The following GPM6A variants were observed in gnomAD, a reference collection of about 807,000 sequenced individuals.
The protein encoded by GPM6A is glycoprotein M6A.
In GPM6A, 7 loss-of-function variants were observed where a neutral mutation model predicts 32.1. That is an observed-to-expected ratio of 0.22 (90% CI 0.12 to 0.41). The LOEUF is 0.41. Ranked by LOEUF, GPM6A falls within the 10% of genes least tolerant of loss-of-function variation. The probability of loss-of-function intolerance (pLI) is 1.00; values close to 1 mark genes in which losing one functional copy is unlikely to be tolerated. For missense variants in GPM6A, 235 were observed against 347.2 expected (o/e 0.68, Z 2.57); for synonymous variants, 130 against 123.4 (o/e 1.05, Z -0.35).
intron 1 of GPM6A, among the ~76,000 whole-genome samples, chr4:175,764,274 C>T (rs930802109): frequency 1.3e-5 from 2 of 152,196 alleles, no homozygotes; most frequent in African/African-American, 4.8e-5. Context: ...TACACACATG[C>T]TTTTATGCCT....
At chr4:175,726,446 A>C (rs1207964537) in intron 1 of GPM6A, among the ~76,000 whole-genome samples, 1 of 152,220 alleles carries the variant, frequency 6.6e-6, no homozygotes, top group Non-Finnish European at 1.5e-5. Context: ...ATTGTAGAAA[A>C]TACATTCTGA....
At chr4:175,895,327 T>C (rs1294617657) in intron 1 of GPM6A, among the ~76,000 whole-genome samples, 7 of 152,128 alleles carry the variant, frequency 4.6e-5, no homozygotes, top group African/African-American at 1.4e-4. Flanking sequence ...CCTATTTATA[T>C]TTTTCTCAGA....
At chr4:175,638,411 C>T (rs768224522) in intron 6 of GPM6A, among the ~76,000 whole-genome samples, 7 of 151,830 alleles carry the variant, frequency 4.6e-5, no homozygotes, top group Non-Finnish European at 7.4e-5. Flanking sequence ...GAGAAAATAA[C>T]CCCCAAATAA....
chr4:175,670,036 G>A (rs1742965721), intron 3 of GPM6A, among the ~76,000 whole-genome samples: 1 of 151,914 alleles, frequency 6.6e-6, no homozygotes, highest in Non-Finnish European at 1.5e-5. Flanking sequence ...TGACACTTTG[G>A]TCTCAAACTT....
At chr4:175,972,515 T>A (rs1740534073) in intron 1 of GPM6A, among the ~76,000 whole-genome samples, 1 of 152,232 alleles carries the variant, frequency 6.6e-6, no homozygotes, top group Non-Finnish European at 1.5e-5. Flanking sequence ...GCCAATTCAC[T>A]TGTCTTGGCC....
intron 1 of GPM6A, among the ~76,000 whole-genome samples, chr4:175,799,541 G>C (rs1734377237): frequency 6.6e-6 from 1 of 152,060 alleles, no homozygotes; most frequent in African/African-American, 2.4e-5. Context: ...AGCATATGAG[G>C]CACGGAAGTA....
intron 3 of GPM6A, among the ~76,000 whole-genome samples, chr4:175,655,904 C>A (rs1217087445): frequency 6.6e-6 from 1 of 151,970 alleles, no homozygotes; most frequent in African/African-American, 2.4e-5. Flanking sequence ...AGCAGTAACT[C>A]AAAGAGAGGA....
At chr4:175,977,363 A>C (rs1215853615) in intron 1 of GPM6A, among the ~76,000 whole-genome samples, 1 of 152,160 alleles carries the variant, frequency 6.6e-6, no homozygotes, top group African/African-American at 2.4e-5. Flanking sequence ...ATGCTGACAA[A>C]TACTACAAAA....
At chr4:175,887,909 G>GCT (rs1737514202) in intron 1 of GPM6A, among the ~76,000 whole-genome samples, 1 of 151,812 alleles carries the variant, frequency 6.6e-6, no homozygotes, top group Non-Finnish European at 1.5e-5. Flanking sequence ...CCCCATTAAA[G>GCT]CTTTAAGGAG....
intron 1 of GPM6A, among the ~76,000 whole-genome samples, chr4:175,974,371 T>G (rs1740596697): frequency 6.6e-6 from 1 of 152,168 alleles, no homozygotes; most frequent in South Asian, 2.1e-4. Flanking sequence ...GATTGTTTGT[T>G]TTGAGACAGG....
intron 1 of GPM6A, among the ~76,000 whole-genome samples, chr4:175,782,998 G>A (rs1252882473): frequency 6.6e-6 from 1 of 151,884 alleles, no homozygotes; most frequent in Non-Finnish European, 1.5e-5. Context: ...CAATGATGGA[G>A]CAAAACTCAT....
At chr4:175,812,302 T>TTTTTTTTTG, upstream of GPM6A, 1 of 925,664 alleles carries the variant, frequency 1.1e-6, no homozygotes, top group Non-Finnish European at 1.3e-6. Flanking sequence ...AAACTGGGGG[T>TTTTTTTTTG]TTTTTTTTTT....
In GPM6A at chr4:175,778,627, CAAAAAAAA is replaced by C. The variant is rs34286041; in HGVS notation, c.37+33556_37+33563del. On this transcript the variant is annotated intron_variant, in intron 1 of 6. Coordinates refer to ENST00000393658, the MANE Select transcript of GPM6A (RefSeq NM_201591.3). ...CAACAGAGCAAGACTCTGTATCCAA[CAAAAAAAA>C]AAAAAAAAAAAAAAAGAAAAAGAAA... Among the ~76,000 whole-genome samples the C allele has an allele frequency of 1.6e-3, 124 of 75,234 alleles. No individual in the cohort carries two copies. The South Asian group carries it at 0.02, about 12-fold the overall frequency. The allele number at this position is 75,234 out of a possible 152,430, so 49.4% of individuals were successfully genotyped here.
intron 1 of GPM6A, among the ~76,000 whole-genome samples, chr4:175,783,738 A>G (rs1436276202): frequency 6.7e-6 from 1 of 150,344 alleles, no homozygotes. Context: ...ATTTTGTCAC[A>G]TTATATCACA....
chr4:175,692,126 C>T (rs1208827863), intron 2 of GPM6A, among the ~76,000 whole-genome samples: 1 of 152,096 alleles, frequency 6.6e-6, no homozygotes, highest in African/African-American at 2.4e-5. Flanking sequence ...TTTTAAGTAA[C>T]CATATTTGTG....
intron 6 of GPM6A, among the ~76,000 whole-genome samples, chr4:175,637,094 C>A (rs1170788750): frequency 3.5e-4 from 41 of 115,618 alleles, no homozygotes; most frequent in Middle Eastern, 5.6e-3. Context: ...TATAATATAT[C>A]ATATATAATA....
At chr4:175,935,772 A>G (rs1391621551) in intron 1 of GPM6A, among the ~76,000 whole-genome samples, 1 of 152,090 alleles carries the variant, frequency 6.6e-6, no homozygotes, top group Non-Finnish European at 1.5e-5. Context: ...TTATAATTTT[A>G]TAAGTTTTGT....
At chr4:175,826,454 T>C (rs1255514703) in intron 1 of GPM6A, among the ~76,000 whole-genome samples, 3 of 152,128 alleles carry the variant, frequency 2.0e-5, no homozygotes, top group Non-Finnish European at 2.9e-5. Flanking sequence ...TACTATTATG[T>C]GGTCATTGCA....
chr4:175,711,193 C>T (rs984684070), intron 1 of GPM6A, among the ~76,000 whole-genome samples: 4 of 151,594 alleles, frequency 2.6e-5, no homozygotes, highest in Non-Finnish European at 5.9e-5. Flanking sequence ...TTCAAAACTT[C>T]AATTGTTTGG....
Sources: gnomAD v4.1 joint callset for allele counts (sites outside exome capture counted in the v4.1 genomes callset) on GRCh38, gnomAD v4.1.1 for gene constraint, MANE v1.5 for transcripts, NCBI Gene and HGNC (gene_info 2026-07-23, HGNC 2026-07-21) for gene names.